The following NUP214 variants were observed in gnomAD, a reference collection of about 807,000 sequenced individuals.
NUP214 encodes the protein nucleoporin 214, also known as nuclear pore complex protein Nup214.
Under a neutral mutation model 196.2 loss-of-function variants are expected in NUP214, and 79 were observed. The ratio of observed to expected loss-of-function variants is 0.40; its 90% confidence interval spans 0.34 to 0.49. The LOEUF (loss-of-function observed/expected upper bound fraction) is 0.49, where lower values mean the gene tolerates loss of function less well. Among genes scored for constraint, NUP214 ranks in the 20% least tolerant of loss-of-function variants. The pLI is 0.58. For synonymous variants in NUP214, 1,020 were observed against 990.5 expected (o/e 1.03, Z -0.56); for missense variants, 2,468 against 2,539.0 (o/e 0.97, Z 0.60).
intron 27 of NUP214, among the ~76,000 whole-genome samples, chr9:131,194,426 CAG>C (rs1164994727): frequency 6.6e-6 from 1 of 151,878 alleles, no homozygotes; most frequent in Non-Finnish European, 1.5e-5. Context: ...TTTGTAGAAA[CAG>C]GGTTCCACCA....
At chr9:131,214,224 A>G (rs1195787050) in intron 30 of NUP214, among the ~76,000 whole-genome samples, 2 of 152,204 alleles carry the variant, frequency 1.3e-5, no homozygotes, top group African/African-American at 2.4e-5. Flanking sequence ...ATACTTAGGA[A>G]TGTGCCTAGC....
intron 14 of NUP214, among the ~76,000 whole-genome samples, chr9:131,149,610 C>T (rs1832192781): frequency 6.6e-6 from 1 of 151,958 alleles, no homozygotes; most frequent in Non-Finnish European, 1.5e-5. Flanking sequence ...CCTTGTTAAC[C>T]TCTCGACTAC....
chr9:131,139,229 G>T, intron 9 of NUP214, 52 bp from the exon 10 acceptor site: 2 of 1,433,864 alleles, frequency 1.4e-6, no homozygotes, highest in African/African-American at 1.5e-5. Flanking sequence ...AACCAACATG[G>T]CTTTTTCTTT....
intron 6 of NUP214, 72 bp downstream of exon 6, chr9:131,132,731 G>A: frequency 3.2e-6 from 4 of 1,260,508 alleles, no homozygotes; most frequent in Non-Finnish European, 4.6e-6. Context: ...TCAAAATCAT[G>A]TAATGTACCT....
chr9:131,175,545 T>A lies in NUP214; in HGVS notation c.3243T>A (p.Ser1081Arg), dbSNP rs886916996. 15 of 1,614,192 alleles carry A rather than the reference T, an allele frequency of 9.3e-6. No homozygotes were observed. The highest frequency in any genetic ancestry group is 1.3e-5 in the Non-Finnish European group (15 of 1,180,022). The change falls in exon 23 of 36, where the codon AGT becomes AGA. Residue 1081 changes from serine (S) to arginine (R), a missense_variant. Physicochemically the swap from Ser to Arg is moderately radical, Grantham distance 110. Around this residue, in one of 5 missense-constraint regions of NUP214, gnomAD observed 1,801 missense variants for 1,779.4 expected, o/e 1.01. Transcript: ENST00000359428. ...AAACCGTGAAACATGGTGCACCTAGTCCTTCCCACCCCATCTCAGCCCCGC... is the reference window on the plus strand; with the variant it reads ...AAACCGTGAAACATGGTGCACCTAGACCTTCCCACCCCATCTCAGCCCCGC... Reference protein sequence around the residue: ...ATKTVKHGAPSPSHPISAPQA... With the variant: ...ATKTVKHGAPRPSHPISAPQA...
intron 24 of NUP214, among the ~76,000 whole-genome samples, chr9:131,185,068 A>C (rs1344371685): frequency 2.0e-5 from 3 of 152,254 alleles, no homozygotes; most frequent in Non-Finnish European, 4.4e-5. Context: ...TCCTGAAATA[A>C]GTTACAAGAA....
intron 31 of NUP214, 46 bp downstream of exon 31, chr9:131,215,414 T>C: frequency 1.4e-6 from 2 of 1,467,900 alleles, no homozygotes; most frequent in Middle Eastern, 1.9e-4. Flanking sequence ...CCTAATGCCA[T>C]TGTCATTCTT....
chr9:131,135,161 C>T (rs905961651), intron 8 of NUP214, 157 bp downstream of exon 8: 7 of 555,382 alleles, frequency 1.3e-5, no homozygotes, highest in Non-Finnish European at 1.6e-5. Context: ...ACGATTGTAG[C>T]TCACAGAAGC....
In NUP214 at chr9:131,144,527, C is replaced by T; in HGVS notation, c.1542C>T (p.Gly514=). 1 of 1,614,146 alleles carries T rather than the reference C, an allele frequency of 6.2e-7. No homozygotes were observed. The highest frequency in any genetic ancestry group is 8.5e-7 in the Non-Finnish European group (1 of 1,179,984). The change falls in exon 12 of 36, where the codon GGC becomes GGT. Residue 514 remains glycine (G), a synonymous_variant. Transcript: ENST00000359428. ...SGSDSSKAAP[G]PGPSTFSFVP... ...CCGACAGCTCCAAAGCAGCCCCAGG[C>T]CCTGGCCCATCAACCTTCTCTTTTG...
intron 33 of NUP214, chr9:131,229,708 G>C (rs550038083): frequency 1.5e-5 from 8 of 518,822 alleles, no homozygotes; most frequent in Non-Finnish European, 3.1e-5. Flanking sequence ...GCAGGCTGTT[G>C]CTGATGAGGC....
Position 131,146,156 on chromosome 9 carries a change from T to C in NUP214, c.1797T>C (p.Pro599=). 1.9e-6 allele frequency: 3 copies of C among 1,614,192 alleles called. No homozygotes were observed. Among genetic ancestry groups the C allele is most frequent in the African/African-American group, 2.7e-5 (2 of 75,040 alleles). ...TTACTGCTGCAGCTACCTCTACTCCTGTTAGTAGCTCCCAGAGCGCACCCC... is the reference window on the plus strand; with the variant it reads ...TTACTGCTGCAGCTACCTCTACTCCCGTTAGTAGCTCCCAGAGCGCACCCC... ...EKFTAAATST[P]VSSSQSAPPM... Residue 599 remains proline, a synonymous_variant, in exon 13 of 36, where the codon CCT becomes CCC. Transcript: ENST00000359428. The surrounding 1 kb of genome is among the most constrained non-coding windows in gnomAD (Gnocchi z 4.6).
At chr9:131,127,904 A>G (rs778549349) in intron 2 of NUP214, among the ~76,000 whole-genome samples, 185 bp downstream of exon 2, 6 of 152,188 alleles carry the variant, frequency 3.9e-5, no homozygotes, top group Non-Finnish European at 5.9e-5. Flanking sequence ...TTCTCCTTAC[A>G]TGAGTTGTTC....
intron 32 of NUP214, among the ~76,000 whole-genome samples, chr9:131,225,194 C>T (rs1410200235): frequency 6.6e-6 from 1 of 152,178 alleles, no homozygotes; most frequent in African/African-American, 2.4e-5. Flanking sequence ...AGACAGATCA[C>T]TTGAGTCCAG....
At chr9:131,135,477 A>G (rs1425125485) in intron 8 of NUP214, among the ~76,000 whole-genome samples, 10 of 152,194 alleles carry the variant, frequency 6.6e-5, no homozygotes, top group Admixed American at 6.5e-4. Flanking sequence ...CCAATCTTGA[A>G]TTATTTATCT....
rs1277098855 is a variant in NUP214, at chr9:131,178,535, G to C, written c.3419+125G>C. On this transcript the variant is annotated intron_variant, in intron 24 of 35. Transcript: ENST00000359428. ...CCTGCACCGCCTTAGGTTATAAGGG[G>C]GGTGGCGGCTAAGCCTGCCTACACA... 4 of 663,632 alleles carry C rather than the reference G, an allele frequency of 6.0e-6. No individual in the cohort carries two copies. The Admixed American group carries it at 7.9e-5, about 13-fold the overall frequency. The allele number at this position is 663,632 out of a possible 1,614,324, so 41.1% of individuals were successfully genotyped here.
chr9:131,146,285 A>C lies in NUP214; in HGVS notation c.1926A>C (p.Ser642=), dbSNP rs749656738. 6.2e-7 allele frequency: 1 copy of C among 1,614,152 alleles called. No homozygotes were observed. Among genetic ancestry groups the C allele is most frequent in the Non-Finnish European group, 8.5e-7 (1 of 1,179,998 alleles). Reference sequence around the variant, plus strand: ...CTAGTTCCGTGCCATTGAAGTCCTCAGTCTTGCCCTCACCATCAGGTATGA... The same window carrying C: ...CTAGTTCCGTGCCATTGAAGTCCTCCGTCTTGCCCTCACCATCAGGTATGA... ...APPSSVPLKS[S]VLPSPSGRSA... Residue 642 remains serine (S), a synonymous_variant, in exon 13 of 36, where the codon TCA becomes TCC. Transcript: ENST00000359428. This position sits in a 1 kb window ranked among gnomAD's most constrained non-coding sequence, Gnocchi z 4.6.
intron 11 of NUP214, among the ~76,000 whole-genome samples, chr9:131,142,730 T>C (rs953326603): frequency 6.6e-6 from 1 of 152,248 alleles, no homozygotes; most frequent in Non-Finnish European, 1.5e-5. Context: ...ATTAACAGAA[T>C]AGGTTTGCTT....
chr9:131,186,584 C>T (rs898071696), intron 24 of NUP214, among the ~76,000 whole-genome samples: 15 of 152,280 alleles, frequency 9.9e-5, no homozygotes, highest in African/African-American at 3.6e-4. Flanking sequence ...AAAATTGCCG[C>T]TAGGAGCCAA....
At chr9:131,174,783 A>C (rs1406054383) in intron 22 of NUP214, among the ~76,000 whole-genome samples, 4 of 152,008 alleles carry the variant, frequency 2.6e-5, no homozygotes, top group Non-Finnish European at 5.9e-5. Flanking sequence ...ATATTCTAGA[A>C]ATTAGAAGAC....
Sources: gnomAD v4.1 joint callset for allele counts (sites outside exome capture counted in the v4.1 genomes callset) on GRCh38, gnomAD v4.1.1 for gene constraint, gnomAD v4.1.1 regional missense constraint, Gnocchi (gnomAD v3.1) non-coding constraint, MANE v1.5 for transcripts, NCBI Gene and HGNC (gene_info 2026-07-23, HGNC 2026-07-21) for gene names.